The following DHRSX variants were observed in gnomAD, a reference collection of about 807,000 sequenced individuals.
DHRSX encodes the protein polyprenol dehydrogenase.
DHRSX carries 31 observed loss-of-function variants against 34.0 expected under a neutral mutation model. The ratio of observed to expected loss-of-function variants is 0.91; its 90% confidence interval spans 0.69 to 1.23. The LOEUF is 1.23. DHRSX is among the 50% of genes most tolerant of loss of function. The probability of loss-of-function intolerance (pLI) is 0.00; values close to 1 mark genes in which losing one functional copy is unlikely to be tolerated. For synonymous variants in DHRSX, 201 were observed against 183.8 expected, an observed-to-expected ratio of 1.09 and a Z score of -0.76; for missense variants, 414 against 428.1, an observed-to-expected ratio of 0.97 and a Z score of 0.29.
chrX:2,460,583 T>C (rs2044389213), intron 1 of DHRSX, among the ~76,000 whole-genome samples: 1 of 46,594 alleles, frequency 2.1e-5, no homozygotes, highest in Non-Finnish European at 4.3e-5. Flanking sequence ...CACGTCTGGC[T>C]TTTTTTTTTT....
intron 3 of DHRSX, among the ~76,000 whole-genome samples, chrX:2,373,195 C>T (rs752627256): frequency 6.6e-6 from 1 of 152,110 alleles, no homozygotes; most frequent in Non-Finnish European, 1.5e-5. Context: ...GAACAGTATG[C>T]GGGTCACCGC....
At chrX:2,265,506 C>A (rs2041442255) in intron 5 of DHRSX, among the ~76,000 whole-genome samples, 1 of 132,372 alleles carries the variant, frequency 7.6e-6, no homozygotes, top group African/African-American at 2.9e-5. Flanking sequence ...GCACTGTCCC[C>A]AGAGCACCAG....
chrX:2,388,264 T>C (rs932352873), intron 3 of DHRSX, among the ~76,000 whole-genome samples: 3 of 152,180 alleles, frequency 2.0e-5, no homozygotes, highest in Admixed American at 2.0e-4. Flanking sequence ...TGTCATGGGC[T>C]GAATTTTGTC....
At chrX:2,291,715 T>C in intron 3 of DHRSX, 112 bp from the exon 4 acceptor site, 1 of 799,532 alleles carries the variant, frequency 1.3e-6, no homozygotes, top group Non-Finnish European at 2.2e-6. Context: ...AACACTTTTT[T>C]TTTTTCTGCT....
intron 4 of DHRSX, among the ~76,000 whole-genome samples, chrX:2,275,869 G>A (rs2041624813): frequency 6.6e-6 from 1 of 151,588 alleles, no homozygotes; most frequent in East Asian, 1.9e-4. Context: ...TTTTGAGATG[G>A]AGTCTCACTC....
At chrX:2,267,776 T>C (rs2041494650) in intron 4 of DHRSX, among the ~76,000 whole-genome samples, 2 of 151,988 alleles carry the variant, frequency 1.3e-5, no homozygotes, top group African/African-American at 4.8e-5. Context: ...TGAAACTCCA[T>C]CTTTACCAAA....
chrX:2,360,393 A>G (rs186796796), intron 3 of DHRSX, among the ~76,000 whole-genome samples: 96 of 152,024 alleles, frequency 6.3e-4, no homozygotes, highest in South Asian at 2.1e-3. Context: ...GACCAGCCTG[A>G]CCAACATGGT....
rs150147002 is a variant in DHRSX at position 2,240,740 on chromosome X, G to A, written c.804+2283C>T. 3.8e-3 allele frequency among the ~76,000 whole-genome samples: 574 copies of A among 152,182 alleles called. 3 individuals carry two copies. Among genetic ancestry groups the A allele is most frequent in the African/African-American group, 0.013 (540 of 41,546 alleles). On this transcript the variant is annotated intron_variant, in intron 6 of 6. Coordinates refer to ENST00000334651, the MANE Select transcript of DHRSX (RefSeq NM_145177.3). ...ACACTTTTAAAAATGCTAATTAGACGATTCTGCAATGTAAAGGGAGAAATA... is the reference window on the plus strand; with the variant it reads ...ACACTTTTAAAAATGCTAATTAGACAATTCTGCAATGTAAAGGGAGAAATA...
chrX:2,403,829 G>C (rs763212488), intron 3 of DHRSX, among the ~76,000 whole-genome samples: 1 of 149,586 alleles, frequency 6.7e-6, no homozygotes, highest in African/African-American at 2.5e-5. Flanking sequence ...GCATTCTAAC[G>C]TGGGCAACAA....
At chrX:2,434,884 T>C (rs1421773418) in intron 1 of DHRSX, among the ~76,000 whole-genome samples, 10 of 152,200 alleles carry the variant, frequency 6.6e-5, no homozygotes, top group African/African-American at 2.2e-4. Context: ...AAACATCTTA[T>C]TGTTCTTAGC....
At position 2,291,540 on chromosome X, in the gene DHRSX, T is replaced by A. The variant is rs2041865249; in HGVS notation, c.350A>T (p.Lys117Met). 1 of 1,613,940 alleles carries A rather than the reference T, an allele frequency of 6.2e-7. No homozygotes were observed. Residue 117 changes from lysine (K) to methionine (M), a missense_variant, in exon 4 of 7, where the codon AAG (lysine) becomes ATG (methionine). Physicochemically the swap from Lys to Met is moderately conservative, Grantham distance 95. Coordinates refer to ENST00000334651, the MANE Select transcript of DHRSX (RefSeq NM_145177.3). Reference sequence around the variant, plus strand: ...GACATGGAGAGGAATCTTCTTCATCTTGAACTTCTGCACAAACTGCCGGAT... The same window carrying A: ...GACATGGAGAGGAATCTTCTTCATCATGAACTTCTGCACAAACTGCCGGAT... ...TSIRQFVQKFKMKKIPLHVLI... is the reference protein window; with the variant it reads ...TSIRQFVQKFMMKKIPLHVLI...
intron 3 of DHRSX, among the ~76,000 whole-genome samples, chrX:2,292,302 G>A (rs554462169): frequency 1.3e-5 from 2 of 152,282 alleles, no homozygotes; most frequent in Middle Eastern, 6.8e-3. Context: ...GCAGCTTCCA[G>A]GAATTGGATT....
chrX:2,439,943 T>C, intron 1 of DHRSX, among the ~76,000 whole-genome samples: 1 of 152,252 alleles, frequency 6.6e-6, no homozygotes, highest in South Asian at 2.1e-4. Context: ...GATGCAAGGA[T>C]ACAAGGATGC....
chrX:2,405,870 C>G (rs2043547482), intron 3 of DHRSX, among the ~76,000 whole-genome samples: 2 of 149,260 alleles, frequency 1.3e-5, no homozygotes, highest in South Asian at 4.2e-4. Flanking sequence ...AACACCATCT[C>G]AAATTCAAAC....
intron 3 of DHRSX, among the ~76,000 whole-genome samples, chrX:2,292,773 T>C (rs920069047): frequency 2.0e-5 from 3 of 151,858 alleles, no homozygotes; most frequent in African/African-American, 7.3e-5. Flanking sequence ...TTTTATATAA[T>C]AATAAAAAAG....
At chrX:2,357,434 C>T (rs2042869780) in intron 3 of DHRSX, among the ~76,000 whole-genome samples, 1 of 151,882 alleles carries the variant, frequency 6.6e-6, no homozygotes, top group Admixed American at 6.6e-5. Context: ...TTTTTAAATG[C>T]CCATATGTCC....
chrX:2,363,746 A>G (rs1355298835), intron 3 of DHRSX, among the ~76,000 whole-genome samples: 1 of 151,810 alleles, frequency 6.6e-6, no homozygotes, highest in Non-Finnish European at 1.5e-5. Flanking sequence ...CTTCCATTTT[A>G]TCACCGTTCT....
chrX:2,231,585 A>ATCCC (rs370276496), intron 6 of DHRSX, among the ~76,000 whole-genome samples: 2 of 144,032 alleles, frequency 1.4e-5, no homozygotes, highest in African/African-American at 2.6e-5. Context: ...CCTCCATCGT[A>ATCCC]TCCTCCTTTT....
intron 3 of DHRSX, among the ~76,000 whole-genome samples, chrX:2,377,848 C>T (rs1160765461): frequency 2.0e-5 from 3 of 151,856 alleles, no homozygotes; most frequent in African/African-American, 7.3e-5. Context: ...AAGTGATTCT[C>T]CTGCCTCAGC....
Sources: gnomAD v4.1 joint callset for allele counts (sites outside exome capture counted in the v4.1 genomes callset) on GRCh38, gnomAD v4.1.1 for gene constraint, MANE v1.5 for transcripts, NCBI Gene and HGNC (gene_info 2026-07-23, HGNC 2026-07-21) for gene names.